Variants in NCAM1 observed in about 807,000 individuals in gnomAD.
NCAM1 encodes the protein antigen recognized by monoclonal antibody 5.1H11.
A neutral mutation model predicts 109.8 loss-of-function variants in NCAM1; 14 were observed. The ratio of observed to expected loss-of-function variants is 0.13; its 90% CI spans 0.08 to 0.20. The LOEUF (loss-of-function observed/expected upper bound fraction) is 0.20. Ranked by LOEUF, NCAM1 falls within the 10% of genes least tolerant of loss-of-function variation. NCAM1 has a pLI of 1.00. For missense variants in NCAM1, 774 were observed against 1,109.9 expected, an observed-to-expected ratio of 0.70 and a Z score of 4.30; for synonymous variants, 418 against 442.9, an observed-to-expected ratio of 0.94 and a Z score of 0.70.
At chr11:113,150,084 G>A (rs1942172329) in intron 1 of NCAM1, among the ~76,000 whole-genome samples, 2 of 151,884 alleles carry the variant, frequency 1.3e-5, no homozygotes, top group South Asian at 2.1e-4. Context: ...GAACTGAAAG[G>A]AAAATGAATA....
intron 16 of NCAM1, 121 bp from the exon 17 acceptor site, chr11:113,260,025 C>A: frequency 1.1e-6 from 1 of 882,308 alleles, no homozygotes; most frequent in East Asian, 2.8e-5. Flanking sequence ...TTCTTATTTT[C>A]ATGATTTCAT....
chr11:113,264,807 T>G (rs530108990), intron 17 of NCAM1: 2 of 985,074 alleles, frequency 2.0e-6, no homozygotes, highest in East Asian at 2.3e-4. Context: ...TCCTCAAGGG[T>G]CCCATTTAGA....
intron 1 of NCAM1, among the ~76,000 whole-genome samples, chr11:113,039,084 A>G (rs1555079608): frequency 6.6e-6 from 1 of 152,240 alleles, no homozygotes; most frequent in Non-Finnish European, 1.5e-5. Context: ...TGATTTAAAA[A>G]TACATATGCA....
At chr11:113,020,378 T>C (rs1384171249) in intron 1 of NCAM1, among the ~76,000 whole-genome samples, 1 of 152,144 alleles carries the variant, frequency 6.6e-6, no homozygotes, top group Admixed American at 6.5e-5. Flanking sequence ...ATTTCCTCAG[T>C]ACTTAGCTCA....
At chr11:113,056,191 G>A (rs3016630) in intron 1 of NCAM1, among the ~76,000 whole-genome samples, 84,472 of 150,252 alleles carry the variant, frequency 0.56, 24,805 homozygotes, top group African/African-American at 0.67. Flanking sequence ...ACTAAAAAGT[G>A]GATCTCATGG....
chr11:113,165,765 T>C (rs1555105168), intron 1 of NCAM1, among the ~76,000 whole-genome samples: 1 of 151,800 alleles, frequency 6.6e-6, no homozygotes. Flanking sequence ...GGCTCTCTCC[T>C]GGCTTCTCGC....
chr11:113,220,963 G>C (rs1211419509), intron 8 of NCAM1, among the ~76,000 whole-genome samples: 1 of 152,120 alleles, frequency 6.6e-6, no homozygotes, highest in Admixed American at 6.5e-5. Context: ...AACTAGTCAT[G>C]TCACCAAATA....
chr11:113,271,191 G>A (rs894724794), intron 18 of NCAM1, among the ~76,000 whole-genome samples: 12 of 151,584 alleles, frequency 7.9e-5, no homozygotes, highest in African/African-American at 2.4e-4. Flanking sequence ...CTAACATGGC[G>A]AAGCCCCGCC....
intron 1 of NCAM1, among the ~76,000 whole-genome samples, chr11:113,067,912 T>TG (rs1555084488): frequency 4.0e-5 from 6 of 149,186 alleles, no homozygotes; most frequent in African/African-American, 1.5e-4. Context: ...ACAAGTTTTT[T>TG]TTTTTTTTTT....
At chr11:113,201,737 G>A (rs1267262368) in intron 1 of NCAM1, among the ~76,000 whole-genome samples, 1 of 152,226 alleles carries the variant, frequency 6.6e-6, no homozygotes, top group Non-Finnish European at 1.5e-5. Context: ...TCCAAAGGGT[G>A]TCTGACTAAT....
intron 1 of NCAM1, among the ~76,000 whole-genome samples, chr11:113,112,865 CT>C (rs1467291849): frequency 1.3e-5 from 2 of 152,132 alleles, no homozygotes; most frequent in Non-Finnish European, 2.9e-5. Context: ...GGTGTGGTGT[CT>C]CACACCCGTA....
intron 1 of NCAM1, among the ~76,000 whole-genome samples, chr11:112,976,762 A>C (rs2134617107): frequency 6.6e-6 from 1 of 152,014 alleles, no homozygotes; most frequent in East Asian, 1.9e-4. Flanking sequence ...TATTTTTGAA[A>C]TATTTTGGCT....
At chr11:113,148,812 G>A (rs1942117219) in intron 1 of NCAM1, among the ~76,000 whole-genome samples, 2 of 152,092 alleles carry the variant, frequency 1.3e-5, no homozygotes, top group African/African-American at 4.8e-5. Context: ...AAGCTGCTTG[G>A]CTCCAAGGCA....
chr11:113,062,389 G>A (rs1472594436), intron 1 of NCAM1, among the ~76,000 whole-genome samples: 1 of 152,172 alleles, frequency 6.6e-6, no homozygotes, highest in Non-Finnish European at 1.5e-5. Context: ...CGAGCATAAT[G>A]TTTTCAGCAC....
chr11:112,985,833 A>G (rs1183873778), intron 1 of NCAM1, among the ~76,000 whole-genome samples: 1 of 151,958 alleles, frequency 6.6e-6, no homozygotes, highest in Non-Finnish European at 1.5e-5. Flanking sequence ...AATATAAAAG[A>G]TTATGTTACC....
At chr11:113,243,790 G>A (rs891964577) in intron 14 of NCAM1, 18 of 267,074 alleles carry the variant, frequency 6.7e-5, no homozygotes, top group African/African-American at 3.5e-4. Flanking sequence ...GCAGAAAGCA[G>A]GTATGCAAAG....
chr11:113,201,128 A>G (rs1420031200), intron 1 of NCAM1, among the ~76,000 whole-genome samples: 1 of 151,844 alleles, frequency 6.6e-6, no homozygotes, highest in Non-Finnish European at 1.5e-5. Flanking sequence ...TTTCTCCGTG[A>G]CCTGCCTTGT....
rs572582737 is a variant in NCAM1 at position 113,000,041 on chromosome 11, G to A, written c.52+38377G>A. 4.6e-5 allele frequency among the ~76,000 whole-genome samples: 7 copies of A among 152,282 alleles called. No individual in the cohort carries two copies. The South Asian group carries it at 1.0e-3, about 23-fold the overall frequency. On this transcript the variant is annotated intron_variant, in intron 1 of 19. Transcript: ENST00000316851. Reference sequence around the variant, plus strand: ...AAATAACAGGCATTGTTACACAGACGAAAGAGTGTGCATCCTGGAGGTAGA... The same window carrying A: ...AAATAACAGGCATTGTTACACAGACAAAAGAGTGTGCATCCTGGAGGTAGA...
chr11:113,039,023 C>T (rs10891492), intron 1 of NCAM1, among the ~76,000 whole-genome samples: 68,473 of 151,988 alleles, frequency 0.45, 16,322 homozygotes, highest in East Asian at 0.81. Flanking sequence ...TCTACTTATA[C>T]GACATAGATT....
Sources: gnomAD v4.1 joint callset for allele counts (sites outside exome capture counted in the v4.1 genomes callset) on GRCh38, gnomAD v4.1.1 for gene constraint, MANE v1.5 for transcripts, NCBI Gene and HGNC (gene_info 2026-07-23, HGNC 2026-07-21) for gene names.